TMPRSS11D: variants seen among roughly 807,000 people sequenced by gnomAD.
TMPRSS11D encodes transmembrane protease serine 11D.
A neutral mutation model predicts 44.4 loss-of-function variants in TMPRSS11D; 32 were observed. The observed-to-expected ratio is 0.72, with a 90% confidence interval of 0.54 to 0.97. The LOEUF (loss-of-function observed/expected upper bound fraction) is 0.97. TMPRSS11D is among the 50% of genes least tolerant of loss of function. The pLI is 0.00. For synonymous variants in TMPRSS11D, 179 were observed against 177.9 expected, an observed-to-expected ratio of 1.01 and a Z score of -0.05; for missense variants, 446 against 502.6, an observed-to-expected ratio of 0.89 and a Z score of 1.08.
At chr4:67,880,942 AC>A (rs1180109159) in intron 1 of TMPRSS11D, among the ~76,000 whole-genome samples, 2 of 152,196 alleles carry the variant, frequency 1.3e-5, no homozygotes, top group African/African-American at 4.8e-5. Flanking sequence ...ATCAGTATAA[AC>A]TTTTCCAAAG....
At chr4:67,880,999 C>A (rs1411500568) in intron 1 of TMPRSS11D, among the ~76,000 whole-genome samples, 3 of 151,906 alleles carry the variant, frequency 2.0e-5, no homozygotes, top group Non-Finnish European at 4.4e-5. Context: ...CAATTAATGA[C>A]TTTAGATTTG....
chr4:67,850,331 A>C (rs1240140656), intron 3 of TMPRSS11D, among the ~76,000 whole-genome samples: 3 of 152,202 alleles, frequency 2.0e-5, no homozygotes, highest in African/African-American at 7.2e-5. Context: ...CTGGTGCATT[A>C]ATCTTTGACT....
chr4:67,836,044 T>G (rs774795991), intron 5 of TMPRSS11D, among the ~76,000 whole-genome samples: 19 of 152,116 alleles, frequency 1.2e-4, no homozygotes, highest in Admixed American at 4.6e-4. Context: ...ACTTATTATA[T>G]CCTTTTAGTA....
chr4:67,840,879 G>T (rs954119033), intron 4 of TMPRSS11D, among the ~76,000 whole-genome samples: 2 of 152,122 alleles, frequency 1.3e-5, no homozygotes, highest in Non-Finnish European at 2.9e-5. Flanking sequence ...AGAACTTGCA[G>T]ATAGGAAAAC....
intron 4 of TMPRSS11D, among the ~76,000 whole-genome samples, chr4:67,840,545 A>AT (rs1718207926): frequency 6.6e-6 from 1 of 152,192 alleles, no homozygotes. Context: ...AAAAGAGGGA[A>AT]TCATAAAAAT....
chr4:67,838,014 G>A (rs527567041), intron 5 of TMPRSS11D, 158 bp downstream of exon 5: 12 of 503,576 alleles, frequency 2.4e-5, no homozygotes, highest in Non-Finnish European at 4.0e-5. Flanking sequence ...AATGATTTAC[G>A]TTAGGGAGCT....
chr4:67,861,448 G>A (rs1042280183), intron 1 of TMPRSS11D, among the ~76,000 whole-genome samples: 3 of 152,060 alleles, frequency 2.0e-5, no homozygotes, highest in Non-Finnish European at 2.9e-5. Context: ...CAGAGTTGGA[G>A]GCAAATGTAA....
At chr4:67,852,759 T>A (rs551490661) in intron 3 of TMPRSS11D, among the ~76,000 whole-genome samples, 38 of 152,326 alleles carry the variant, frequency 2.5e-4, no homozygotes, top group African/African-American at 8.4e-4. Context: ...AAGTTCATTA[T>A]GTCAGAAGTG....
At chr4:67,832,113 G>A (rs1212367310) in intron 7 of TMPRSS11D, among the ~76,000 whole-genome samples, 1 of 152,108 alleles carries the variant, frequency 6.6e-6, no homozygotes, top group Admixed American at 6.6e-5. Context: ...GTAGGGAAAT[G>A]TAGGAAGAGT....
At chr4:67,876,507 T>A (rs1359321914) in intron 1 of TMPRSS11D, among the ~76,000 whole-genome samples, 2 of 152,228 alleles carry the variant, frequency 1.3e-5, no homozygotes, top group Non-Finnish European at 2.9e-5. Flanking sequence ...GATATATTTT[T>A]ATAATAACAT....
At chr4:67,823,643 A>C (rs1183182163) in intron 9 of TMPRSS11D, among the ~76,000 whole-genome samples, 1 of 152,100 alleles carries the variant, frequency 6.6e-6, no homozygotes, top group East Asian at 1.9e-4. Context: ...GGCTGCTCTT[A>C]GTAGCTAGCT....
Position 67,822,600 on chromosome 4 carries a change from T to C in TMPRSS11D, c.1096-102A>G, listed in dbSNP as rs1415221611. On this transcript the variant is annotated intron_variant, in intron 9 of 9. Transcript: ENST00000283916. ...GTCGAGGAAGGAGTCACATTCATTA[T>C]ACAAATAAAGTCAGCCTATTTCCTT... 8 of 1,293,028 alleles carry C rather than the reference T, an allele frequency of 6.2e-6. No individual in the cohort carries two copies. In the African/African-American group the frequency reaches 7.4e-5, roughly 12 times the overall value. 80.1% of individuals were successfully genotyped at this position (1,293,028 alleles called of 1,614,324 possible).
At chr4:67,871,610 C>G (rs988481893) in intron 1 of TMPRSS11D, among the ~76,000 whole-genome samples, 5 of 152,150 alleles carry the variant, frequency 3.3e-5, no homozygotes, top group Non-Finnish European at 7.4e-5. Context: ...CAGTTGAAGA[C>G]TTAAAGACAT....
chr4:67,848,718 CA>C (rs367605947), intron 3 of TMPRSS11D, among the ~76,000 whole-genome samples: 67 of 152,286 alleles, frequency 4.4e-4, no homozygotes, highest in African/African-American at 1.6e-3. Flanking sequence ...GGCACATGCA[CA>C]GTCCTGAGGT....
At chr4:67,858,813 A>T (rs370574655) in intron 2 of TMPRSS11D, among the ~76,000 whole-genome samples, 1 of 152,202 alleles carries the variant, frequency 6.6e-6, no homozygotes, top group Admixed American at 6.5e-5. Flanking sequence ...CACATTTTAC[A>T]TATCTATGTT....
At chr4:67,877,877 T>C (rs932627212) in intron 1 of TMPRSS11D, among the ~76,000 whole-genome samples, 1 of 152,206 alleles carries the variant, frequency 6.6e-6, no homozygotes, top group Non-Finnish European at 1.5e-5. Flanking sequence ...CATCAAAAGA[T>C]ATCTCCTTTC....
intron 3 of TMPRSS11D, among the ~76,000 whole-genome samples, chr4:67,846,012 A>T (rs1718346829): frequency 6.6e-6 from 1 of 152,182 alleles, no homozygotes; most frequent in Non-Finnish European, 1.5e-5. Context: ...TTATTACTTG[A>T]TAGTTATAGC....
chr4:67,868,095 A>AATATATATATATATATATATATATAT (rs923681603), intron 1 of TMPRSS11D, among the ~76,000 whole-genome samples: 24 of 150,888 alleles, frequency 1.6e-4, no homozygotes, highest in African/African-American at 4.7e-4. Context: ...TAGATAGAGA[A>AATATATATATATATATATATATATAT]ATATATATAT....
Position 67,864,923 on chromosome 4 carries a change from G to A in TMPRSS11D, c.9-5245C>T, listed in dbSNP as rs546839715. Among the ~76,000 whole-genome samples the A allele has an allele frequency of 1.3e-3, 194 of 151,788 alleles. 1 individual carries two copies. The highest frequency in any genetic ancestry group is 4.5e-3 in the African/African-American group (187 of 41,476). On this transcript the variant is annotated intron_variant, in intron 1 of 9. Transcript: ENST00000283916. ...TAGACAGGAATACAATAATGATGGA[G>A]AACTTCAACACCCCCATTGACAGTA...
Sources: allele counts gnomAD v4.1 joint callset (sites outside exome capture counted in the v4.1 genomes callset), GRCh38; gene constraint gnomAD v4.1.1; transcripts MANE v1.5; gene names NCBI Gene and HGNC (gene_info 2026-07-23, HGNC 2026-07-21).